FGR: variants seen among roughly 807,000 people sequenced by gnomAD.
FGR encodes FGR proto-oncogene, Src family tyrosine kinase.
Under a neutral mutation model 63.2 loss-of-function variants are expected in FGR, and 26 were observed. That is an observed-to-expected ratio of 0.41 (90% CI 0.30 to 0.57). The LOEUF is 0.57. FGR is among the 20% of genes least tolerant of loss of function. The probability of loss-of-function intolerance (pLI) is 0.27; values close to 1 mark genes in which losing one functional copy is unlikely to be tolerated. For synonymous variants in FGR, 286 were observed against 277.7 expected (o/e 1.03, Z -0.30); for missense variants, 511 against 690.8 (o/e 0.74, Z 2.92).
chr1:27,613,008 G>C lies in FGR; in HGVS notation c.1496C>G (p.Pro499Arg). The C allele has an allele frequency of 6.2e-7, 1 of 1,614,182 alleles. No homozygotes were observed. The highest frequency in any genetic ancestry group is 8.5e-7 in the Non-Finnish European group (1 of 1,180,010). Reference protein sequence around the residue: ...EAMEQTWRLDPEERPTFEYLQ... With the variant: ...EAMEQTWRLDREERPTFEYLQ... ...GTACTCGAAGGTAGGCCTCTCCTCCGGGTCCAGACGCCAGGTCTGTTCCAT... is the reference window on the plus strand; with the variant it reads ...GTACTCGAAGGTAGGCCTCTCCTCCCGGTCCAGACGCCAGGTCTGTTCCAT... Residue 499 changes from proline (P) to arginine (R), a missense_variant, in exon 13 of 13, where the codon CCG (proline) becomes CGG (arginine). Transcript: ENST00000374005.
intron 1 of FGR, among the ~76,000 whole-genome samples, chr1:27,632,376 G>A (rs2090118481): frequency 1.3e-5 from 2 of 151,998 alleles, no homozygotes; most frequent in Admixed American, 6.6e-5. Context: ...GACCTCAGGT[G>A]ATCCACCCAC....
chr1:27,633,172 AC>A (rs1450944844), intron 1 of FGR, among the ~76,000 whole-genome samples: 2 of 152,174 alleles, frequency 1.3e-5, no homozygotes, highest in Non-Finnish European at 2.9e-5. Context: ...CCCGGAGGGT[AC>A]ATGAAACTTG....
At chr1:27,630,661 C>A (rs2090093579) in intron 1 of FGR, among the ~76,000 whole-genome samples, 2 of 152,164 alleles carry the variant, frequency 1.3e-5, no homozygotes, top group African/African-American at 4.8e-5. Context: ...TCTCTCTTTT[C>A]TCAGCACTGA....
At chr1:27,633,747 CG>C (rs1253559031) in intron 1 of FGR, among the ~76,000 whole-genome samples, 2 of 152,126 alleles carry the variant, frequency 1.3e-5, no homozygotes, top group African/African-American at 4.8e-5. Flanking sequence ...AGAGACAGGA[CG>C]GGGGTCTCCC....
chr1:27,618,549 G>A (rs1047377665), intron 5 of FGR, among the ~76,000 whole-genome samples: 3 of 152,064 alleles, frequency 2.0e-5, no homozygotes, highest in African/African-American at 7.2e-5. Flanking sequence ...CTGGCTCCAA[G>A]ATGTGGACAC....
chr1:27,616,603 C>T lies in FGR; in HGVS notation c.682+254G>A, dbSNP rs1227828091. On this transcript the variant is annotated intron_variant, in intron 7 of 12. Transcript: ENST00000374005. The surrounding 1 kb of genome is among the most constrained non-coding windows in gnomAD (Gnocchi z 4.3). Reference sequence around the variant, plus strand: ...GCGGCACAAACACTCCATCAAGTTTCCACAAATTGAGGCCTTGAGGCAAGA... The same window carrying T: ...GCGGCACAAACACTCCATCAAGTTTTCACAAATTGAGGCCTTGAGGCAAGA... 6.6e-6 allele frequency among the ~76,000 whole-genome samples: 1 copy of T among 152,228 alleles called. No individual in the cohort carries two copies. Among genetic ancestry groups the T allele is most frequent in the Non-Finnish European group, 1.5e-5 (1 of 68,042 alleles).
Position 27,623,743 on chromosome 1 carries a change from A to C in FGR, c.174T>G (p.Ser58=), listed in dbSNP as rs1168527207. 1 of 1,614,062 alleles carries C rather than the reference A, an allele frequency of 6.2e-7. No homozygotes were observed. The highest frequency in any genetic ancestry group is 2.2e-5 in the East Asian group (1 of 44,894). Residue 58 remains serine, a synonymous_variant, in exon 3 of 13, where the codon TCT becomes TCG. Transcript: ENST00000374005. ...CAAGGAAGCCAGGGTTGATGGCCTG[A>C]GAGGAGAAGTTGCTGTAGTTGGGGA... ...AHIPNYSNFS[S]QAINPGFLDS... is the part of the protein sequence containing the mutation.
chr1:27,623,403 A>G (rs1436418928), intron 3 of FGR: 3 of 595,686 alleles, frequency 5.0e-6, no homozygotes, highest in Non-Finnish European at 6.0e-6. Context: ...AAGACTTCCC[A>G]TCTGGGAAGT....
chr1:27,625,306 A>T lies in FGR; in HGVS notation c.-76-155T>A, dbSNP rs563899818. Among the ~76,000 whole-genome samples, 13 of 152,180 alleles carry T rather than the reference A, an allele frequency of 8.5e-5. No homozygotes were observed. The South Asian group carries it at 2.7e-3, about 32-fold the overall frequency. On this transcript the variant is annotated intron_variant, in intron 1 of 12. Coordinates refer to ENST00000374005, the MANE Select transcript of FGR (RefSeq NM_005248.3). ...CTTTCCTTCCTATCACCCCTGGCACACTTACACAACCCCCGTCACATAGGG... is the reference window on the plus strand; with the variant it reads ...CTTTCCTTCCTATCACCCCTGGCACTCTTACACAACCCCCGTCACATAGGG...
Position 27,624,275 on chromosome 1 carries a change from G to A in FGR, c.-13-346C>T, listed in dbSNP as rs181425619. Among the ~76,000 whole-genome samples, 11 of 152,214 alleles carry A rather than the reference G, an allele frequency of 7.2e-5. No individual in the cohort carries two copies. The East Asian group carries it at 1.9e-3, about 27-fold the overall frequency. On this transcript the variant is annotated intron_variant, in intron 2 of 12. Coordinates refer to ENST00000374005, the MANE Select transcript of FGR (RefSeq NM_005248.3). ...TTTTGAGACAAGATCTCACTCTGTT[G>A]CCCAGGCTGGAGTGCAGTGGCACAA...
intron 5 of FGR, among the ~76,000 whole-genome samples, chr1:27,619,014 C>T (rs2089870026): frequency 6.6e-6 from 1 of 152,120 alleles, no homozygotes; most frequent in South Asian, 2.1e-4. Flanking sequence ...TCTCTTGTTT[C>T]CTGAAGCTTC....
intron 1 of FGR, among the ~76,000 whole-genome samples, chr1:27,630,448 G>A (rs868640168): frequency 2.0e-5 from 3 of 152,094 alleles, no homozygotes; most frequent in South Asian, 4.1e-4. Context: ...TGCGGCCCAG[G>A]GAAGCCAAAA....
At position 27,634,751 on chromosome 1, in the gene FGR, T is replaced by A. The variant is rs540716916; in HGVS notation, c.-77+314A>T. ...TTCCCCTTAATCCTTCTCCCCCACC[T>A]CAGCCCCCTTCCTAAACTCTTATCA... is the stretch of plus-strand genomic sequence containing the variant. On this transcript the variant is annotated intron_variant, in intron 1 of 12. Transcript: ENST00000374005. 8.0e-4 allele frequency among the ~76,000 whole-genome samples: 118 copies of A among 146,974 alleles called. 1 individual carries two copies. The highest frequency in any genetic ancestry group is 2.5e-3 in the African/African-American group (98 of 39,348).
In FGR at chr1:27,617,042, T is replaced by C. The variant is rs2089826815; in HGVS notation, c.533-36A>G. On this transcript the variant is annotated intron_variant, in intron 6 of 12. Transcript: ENST00000374005. The surrounding 1 kb of genome is among the most constrained non-coding windows in gnomAD (Gnocchi z 4.5). ...GATCACTTTTGATCTGCTGTTCTCC[T>C]CTGCCCTAGTCTGGGAGCTGGGAGA... 2 of 1,611,980 alleles carry C rather than the reference T, an allele frequency of 1.2e-6. No homozygotes were observed. Among genetic ancestry groups the C allele is most frequent in the African/African-American group, 2.7e-5 (2 of 74,874 alleles).
intron 1 of FGR, chr1:27,626,295 A>G (rs1458878056): frequency 7.5e-6 from 3 of 398,130 alleles, no homozygotes; most frequent in Non-Finnish European, 1.3e-5. Flanking sequence ...TGGAGAGTTT[A>G]GGGTGGGGCC....
intron 9 of FGR, 35 bp from the exon 10 acceptor site, chr1:27,614,961 T>G: frequency 1.3e-6 from 2 of 1,545,100 alleles, no homozygotes; most frequent in South Asian, 2.3e-5. Context: ...GGCAAAGCCC[T>G]ACCCCGGGCC....
chr1:27,625,957 A>G (rs1402660646), intron 1 of FGR: 1 of 400,390 alleles, frequency 2.5e-6, no homozygotes, highest in Non-Finnish European at 4.4e-6. Context: ...ACAAACAAAC[A>G]AACAAAAAAC....
At chr1:27,614,672 C>G in intron 10 of FGR, 89 bp from the exon 11 acceptor site, 1 of 1,500,590 alleles carries the variant, frequency 6.7e-7, no homozygotes, top group Non-Finnish European at 9.1e-7. Context: ...TTTGAAAAAC[C>G]CACTTTCCAG....
rs1205492492 is a variant in FGR at position 27,615,790 on chromosome 1, G to A, written c.737C>T (p.Pro246Leu). The A allele has an allele frequency of 6.2e-7, 1 of 1,601,684 alleles. No homozygotes were observed. The stretch of plus-strand genomic sequence containing the variant: ...GTCCTTGGCCAGGCCCAGCGTCTGC[G>A]GCTTCATGATGGTGCAGGGCGCGAT... The part of the protein sequence containing the change: ...LLIAPCTIMK[P>L]QTLGLAKDAW... Residue 246 changes from proline (P) to leucine (L), a missense_variant, in exon 8 of 13, where the codon CCG becomes CTG. Coordinates refer to ENST00000374005, the MANE Select transcript of FGR (RefSeq NM_005248.3). This position sits in a 1 kb window ranked among gnomAD's most constrained non-coding sequence, Gnocchi z 7.6.
Sources: gnomAD v4.1 joint callset for allele counts (sites outside exome capture counted in the v4.1 genomes callset) on GRCh38, gnomAD v4.1.1 for gene constraint, Gnocchi (gnomAD v3.1) non-coding constraint, MANE v1.5 for transcripts, NCBI Gene and HGNC (gene_info 2026-07-23, HGNC 2026-07-21) for gene names.